The following SORCS1 variants were observed in gnomAD, a reference collection of about 807,000 sequenced individuals.
SORCS1 encodes VPS10 domain-containing receptor SorCS1.
Under a neutral mutation model 146.1 loss-of-function variants are expected in SORCS1, and 60 were observed. The ratio of observed to expected loss-of-function variants is 0.41; its 90% confidence interval spans 0.33 to 0.51. The LOEUF (loss-of-function observed/expected upper bound fraction) is 0.51, where lower values mean the gene tolerates loss of function less well. Among genes scored for constraint, SORCS1 ranks in the 20% least tolerant of loss-of-function variants. The probability of loss-of-function intolerance (pLI) is 0.21; values close to 1 mark genes in which losing one functional copy is unlikely to be tolerated. For missense variants in SORCS1, 1,352 were observed against 1,487.6 expected (o/e 0.91, Z 1.50); for synonymous variants, 637 against 584.0 (o/e 1.09, Z -1.31).
rs143522175 is a variant in SORCS1 at position 106,586,856 on chromosome 10, T to C, written c.3266-7382A>G. On this transcript the variant is annotated intron_variant, in intron 24 of 25. Transcript: ENST00000263054. ...CTGTAGTCCTAGCTACTCGAGAGGC[T>C]GAGGCAGACAGATCGCTTGAGCCCA... 5.0e-3 allele frequency among the ~76,000 whole-genome samples: 766 copies of C among 152,254 alleles called. 8 individuals carry two copies. Among genetic ancestry groups the C allele is most frequent in the African/African-American group, 0.018 (740 of 41,540 alleles).
intron 2 of SORCS1, among the ~76,000 whole-genome samples, chr10:106,918,872 T>C (rs1368929255): frequency 6.6e-6 from 1 of 152,198 alleles, no homozygotes; most frequent in Non-Finnish European, 1.5e-5. Flanking sequence ...AGTATCATTC[T>C]GTTGCTCAGG....
chr10:106,932,482 G>A (rs183575455), intron 2 of SORCS1, among the ~76,000 whole-genome samples: 50 of 152,268 alleles, frequency 3.3e-4, no homozygotes, highest in Admixed American at 1.2e-3. Context: ...TGCTGCCTTA[G>A]AGTGATAGTG....
chr10:106,587,852 G>C (rs1036166924), intron 24 of SORCS1, among the ~76,000 whole-genome samples: 1 of 151,838 alleles, frequency 6.6e-6, no homozygotes, highest in Non-Finnish European at 1.5e-5. Context: ...TTTTGGGGGG[G>C]GTCATGTTTT....
intron 18 of SORCS1, among the ~76,000 whole-genome samples, chr10:106,638,064 A>C (rs1473318290): frequency 6.6e-6 from 1 of 152,218 alleles, no homozygotes; most frequent in African/African-American, 2.4e-5. Context: ...AGAGAGGTTC[A>C]GAACCTTGAC....
chr10:107,060,040 C>T lies in SORCS1; in HGVS notation c.559-103460G>A, dbSNP rs1961029768. On this transcript the variant is annotated intron_variant, in intron 1 of 25. Coordinates refer to ENST00000263054, the MANE Select transcript of SORCS1 (RefSeq NM_052918.5). This position sits in a 1 kb window ranked among gnomAD's most constrained non-coding sequence, Gnocchi z 4.1. ...GATGACACAGTGGTCTTTAATCTAC[C>T]ATGTGTCCTCATACACAGAATCCTT... Among the ~76,000 whole-genome samples, 1 of 152,002 alleles carries T rather than the reference C, an allele frequency of 6.6e-6. No individual in the cohort carries two copies. Among genetic ancestry groups the T allele is most frequent in the African/African-American group, 2.4e-5 (1 of 41,392 alleles).
chr10:106,705,198 A>G (rs938249856), intron 8 of SORCS1, among the ~76,000 whole-genome samples: 10 of 152,350 alleles, frequency 6.6e-5, no homozygotes, highest in Non-Finnish European at 1.0e-4. Flanking sequence ...TACCACAGTC[A>G]TTAATCTCTC....
chr10:106,908,671 A>G (rs1454892873), intron 2 of SORCS1, among the ~76,000 whole-genome samples: 1 of 152,206 alleles, frequency 6.6e-6, no homozygotes, highest in Non-Finnish European at 1.5e-5. Flanking sequence ...CCAAGAGCCC[A>G]GCAGCCCTTA....
At chr10:106,587,962 CAA>C (rs1165484487) in intron 24 of SORCS1, among the ~76,000 whole-genome samples, 1 of 152,160 alleles carries the variant, frequency 6.6e-6, no homozygotes, top group Non-Finnish European at 1.5e-5. Context: ...GAACAGCGAC[CAA>C]ACTGGAAAGC....
At chr10:107,135,768 G>C (rs892275342) in intron 1 of SORCS1, among the ~76,000 whole-genome samples, 1 of 152,174 alleles carries the variant, frequency 6.6e-6, no homozygotes, top group East Asian at 1.9e-4. Flanking sequence ...TAAAGTGCCT[G>C]GCCAGTAGGA....
intron 2 of SORCS1, among the ~76,000 whole-genome samples, chr10:106,956,043 T>C (rs961445168): frequency 1.3e-5 from 2 of 151,432 alleles, no homozygotes; most frequent in Non-Finnish European, 2.9e-5. Context: ...GGCAGGAGAA[T>C]GGCTTGAACC....
intron 1 of SORCS1, among the ~76,000 whole-genome samples, chr10:106,974,298 C>T (rs922335508): frequency 6.6e-6 from 1 of 152,042 alleles, no homozygotes; most frequent in Non-Finnish European, 1.5e-5. Flanking sequence ...ATGCAAAATG[C>T]CTAGTAGGGA....
chr10:106,986,570 T>C lies in SORCS1; in HGVS notation c.559-29990A>G, dbSNP rs796903340. The stretch of plus-strand genomic sequence containing the variant: ...TGTGTCTGTGAGTGTGTAACTTTTT[T>C]ATACCCCATCTCTCTCTTTCCTCAC... On this transcript the variant is annotated intron_variant, in intron 1 of 25. Transcript: ENST00000263054. Among the ~76,000 whole-genome samples, 4 of 151,838 alleles carry C rather than the reference T, an allele frequency of 2.6e-5. No homozygotes were observed. The South Asian group carries it at 8.3e-4, about 32-fold the overall frequency.
rs545802337 is a variant in SORCS1, at chr10:106,988,726, A to G, written c.559-32146T>C. 9.9e-4 allele frequency among the ~76,000 whole-genome samples: 151 copies of G among 152,294 alleles called. 1 individual carries two copies. Among genetic ancestry groups the G allele is most frequent in the African/African-American group, 3.6e-3 (150 of 41,554 alleles). ...GCACTATAAATGGTTGCAATGCTCT[A>G]CAATAAATAAAAAATCAGGTCTCAA... On this transcript the variant is annotated intron_variant, in intron 1 of 25. Transcript: ENST00000263054.
chr10:106,972,094 G>A (rs989175153), intron 1 of SORCS1, among the ~76,000 whole-genome samples: 17 of 152,034 alleles, frequency 1.1e-4, no homozygotes, highest in Admixed American at 7.2e-4. Flanking sequence ...GGCCAGGCAC[G>A]GTGGTTCATG....
chr10:106,788,668 T>G (rs1946172231), intron 3 of SORCS1, among the ~76,000 whole-genome samples: 1 of 152,220 alleles, frequency 6.6e-6, no homozygotes, highest in Non-Finnish European at 1.5e-5. Context: ...GGGCTCCCAT[T>G]GTCTTGGGCA....
At chr10:106,697,927 G>A (rs1242627770) in intron 9 of SORCS1, among the ~76,000 whole-genome samples, 2 of 152,170 alleles carry the variant, frequency 1.3e-5, no homozygotes, top group African/African-American at 4.8e-5. Flanking sequence ...AATACAGTCT[G>A]AGGCTGTCAT....
intron 1 of SORCS1, among the ~76,000 whole-genome samples, chr10:107,021,164 G>C (rs184577823): frequency 6.6e-6 from 1 of 152,056 alleles, no homozygotes; most frequent in African/African-American, 2.4e-5. Flanking sequence ...CCCTACAGTA[G>C]TTACACCTGG....
chr10:106,964,531 G>T (rs546116316), intron 1 of SORCS1, among the ~76,000 whole-genome samples: 1 of 151,970 alleles, frequency 6.6e-6, no homozygotes, highest in African/African-American at 2.4e-5. Flanking sequence ...TTGTCACCCA[G>T]GCTGGAGTGC....
chr10:107,097,100 T>C (rs1312796293), intron 1 of SORCS1, among the ~76,000 whole-genome samples: 3 of 152,178 alleles, frequency 2.0e-5, no homozygotes, highest in Non-Finnish European at 2.9e-5. Context: ...TGTCCAATTG[T>C]GATGAATGCA....
Sources: gnomAD v4.1 joint callset for allele counts (sites outside exome capture counted in the v4.1 genomes callset) on GRCh38, gnomAD v4.1.1 for gene constraint, Gnocchi (gnomAD v3.1) non-coding constraint, MANE v1.5 for transcripts, NCBI Gene and HGNC (gene_info 2026-07-23, HGNC 2026-07-21) for gene names.